Variants in NAPG observed in about 807,000 individuals in gnomAD.
NAPG encodes the protein gamma-soluble NSF attachment protein.
NAPG carries 25 observed loss-of-function variants against 48.4 expected under a neutral mutation model. That is an observed-to-expected ratio of 0.52 (90% CI 0.38 to 0.72). The LOEUF is 0.72. NAPG is among the 30% of genes least tolerant of loss of function. The pLI, the probability that NAPG is intolerant of heterozygous loss-of-function variation, is 0.00. For missense variants in NAPG, 359 were observed against 372.5 expected (o/e 0.96, Z 0.30); for synonymous variants, 139 against 127.2 (o/e 1.09, Z -0.62).
rs746340763 is a variant in NAPG at position 10,543,549 on chromosome 18, T to C, written c.507-2777T>C. Among the ~76,000 whole-genome samples the C allele has an allele frequency of 8.5e-5, 13 of 152,182 alleles. No individual in the cohort carries two copies. The highest frequency in any genetic ancestry group is 1.5e-5 in the Non-Finnish European group (1 of 68,024). On this transcript the variant is annotated intron_variant, in intron 8 of 11. Coordinates refer to ENST00000322897, the MANE Select transcript of NAPG (RefSeq NM_003826.3). The surrounding 1 kb of genome is among the most constrained non-coding windows in gnomAD (Gnocchi z 4.4). ...TCTGTAGGTAGTTAAAAATAGGTTT[T>C]GGAGTTCAGGAAATAGTTGGGGCCA... is the stretch of plus-strand genomic sequence containing the variant.
At chr18:10,535,716 G>A (rs111263470) in intron 5 of NAPG, among the ~76,000 whole-genome samples, 1,634 of 152,310 alleles carry the variant, frequency 0.011, 27 homozygotes, top group African/African-American at 0.037. Flanking sequence ...AGCCGAGATC[G>A]TGCCATTGCA....
Position 10,542,042 on chromosome 18 carries a change from C to T in NAPG, c.506+1643C>T, listed in dbSNP as rs1488690155. 1.3e-5 allele frequency among the ~76,000 whole-genome samples: 2 copies of T among 152,156 alleles called. No individual in the cohort carries two copies. The highest frequency in any genetic ancestry group is 2.9e-5 in the Non-Finnish European group (2 of 68,026). ...ATCCTCAAAACATTACCAGTGTTGC[C>T]AGTCGGTTTGGACACATCTGATGAA... is the stretch of plus-strand genomic sequence containing the variant. On this transcript the variant is annotated intron_variant, in intron 8 of 11. Coordinates refer to ENST00000322897, the MANE Select transcript of NAPG (RefSeq NM_003826.3). This position sits in a 1 kb window ranked among gnomAD's most constrained non-coding sequence, Gnocchi z 4.5.
At chr18:10,527,487 C>T (rs1272934986) in intron 1 of NAPG, among the ~76,000 whole-genome samples, 1 of 152,178 alleles carries the variant, frequency 6.6e-6, no homozygotes, top group Non-Finnish European at 1.5e-5. Flanking sequence ...CCACAACATT[C>T]TGCTTTCTAG....
chr18:10,533,805 A>C (rs2031978962), intron 4 of NAPG, among the ~76,000 whole-genome samples: 1 of 151,770 alleles, frequency 6.6e-6, no homozygotes, highest in Non-Finnish European at 1.5e-5. Flanking sequence ...TATGGGAAAA[A>C]AATAAGTTAG....
At chr18:10,536,780 C>T (rs1384119272) in intron 5 of NAPG, among the ~76,000 whole-genome samples, 1 of 151,878 alleles carries the variant, frequency 6.6e-6, no homozygotes, top group Non-Finnish European at 1.5e-5. Flanking sequence ...GTTTTTTTAT[C>T]CTCCCAAATG....
At position 10,532,736 on chromosome 18, in the gene NAPG, G is replaced by T. The variant is rs1345120671; in HGVS notation, c.150G>T (p.Gln50His). Residue 50 changes from glutamine (Q) to histidine (H), a missense_variant, in exon 3 of 12, where the codon CAG becomes CAT. By Grantham distance (24) the Gln-to-His change is conservative (BLOSUM62 0). Coordinates refer to ENST00000322897, the MANE Select transcript of NAPG (RefSeq NM_003826.3). ...KAAVAFKNAK[Q>H]FEQAKDACLR... ...CTGTTGCTTTTAAAAATGCCAAACA[G>T]TTTGAGCAAGCAAAAGATGCCTGCC... 1.3e-6 allele frequency: 2 copies of T among 1,590,752 alleles called. No homozygotes were observed.
At chr18:10,526,246 G>GGGGGGGGTGGGC in intron 1 of NAPG, 88 bp downstream of exon 1, 1 of 490,186 alleles carries the variant, frequency 2.0e-6, no homozygotes, top group African/African-American at 2.0e-5. Context: ...GGGCGGGAGG[G>GGGGGGGGTGGGC]AGGGCTCAGG....
chr18:10,548,330 A>G lies in NAPG; in HGVS notation c.617A>G (p.His206Arg). 6.2e-7 allele frequency: 1 copy of G among 1,613,854 alleles called. No homozygotes were observed. Residue 206 changes from histidine to arginine, a missense_variant, in exon 10 of 12, where the codon CAC becomes CGC. His to Arg is a conservative substitution (Grantham distance 29). Transcript: ENST00000322897. The surrounding 1 kb of genome is among the most constrained non-coding windows in gnomAD (Gnocchi z 4.4). ...ATTGCTCAAGTCTTAGTTCATCTAC[A>G]CAGAAATGACTATGTAGCTGCAGAA... ...KTIAQVLVHL[H>R]RNDYVAAERC...
At chr18:10,530,597 G>A (rs996347042) in intron 1 of NAPG, among the ~76,000 whole-genome samples, 173 bp from the exon 2 acceptor site, 4 of 151,948 alleles carry the variant, frequency 2.6e-5, no homozygotes, top group African/African-American at 9.7e-5. Context: ...TGAAAGAGGT[G>A]AGGTTGTGTT....
Position 10,546,961 on chromosome 18 carries a change from A to G in NAPG, c.585+557A>G, listed in dbSNP as rs2032280126. ...CACAAGGACCCCAGTCTCTTTTGCCAGAGGAACTAGGAAAATGAGCTAGAG... is the reference window on the plus strand; with the variant it reads ...CACAAGGACCCCAGTCTCTTTTGCCGGAGGAACTAGGAAAATGAGCTAGAG... On this transcript the variant is annotated intron_variant, in intron 9 of 11. Transcript: ENST00000322897. The surrounding 1 kb of genome is among the most constrained non-coding windows in gnomAD (Gnocchi z 4.0). Among the ~76,000 whole-genome samples the G allele has an allele frequency of 6.6e-6, 1 of 152,188 alleles. No homozygotes were observed. Among genetic ancestry groups the G allele is most frequent in the Non-Finnish European group, 1.5e-5 (1 of 68,034 alleles).
At position 10,546,672 on chromosome 18, in the gene NAPG, G is replaced by A. The variant is rs1016340945; in HGVS notation, c.585+268G>A. 3.3e-5 allele frequency among the ~76,000 whole-genome samples: 5 copies of A among 152,024 alleles called. No homozygotes were observed. The highest frequency in any genetic ancestry group is 4.1e-4 in the South Asian group (2 of 4,836). On this transcript the variant is annotated intron_variant, in intron 9 of 11. Transcript: ENST00000322897. This position sits in a 1 kb window ranked among gnomAD's most constrained non-coding sequence, Gnocchi z 4.0. ...AGAGACTAAGGAGAGGAGCAAACAC[G>A]TGGAGAAACAACCACCATGGGAATG...
rs2032325062 is a variant in NAPG at position 10,548,922 on chromosome 18, T to A, written c.666-45T>A. 6.3e-7 allele frequency: 1 copy of A among 1,595,286 alleles called. No individual in the cohort carries two copies. Among genetic ancestry groups the A allele is most frequent in the Non-Finnish European group, 8.6e-7 (1 of 1,167,260 alleles). On this transcript the variant is annotated intron_variant, in intron 10 of 11. Coordinates refer to ENST00000322897, the MANE Select transcript of NAPG (RefSeq NM_003826.3). This position sits in a 1 kb window ranked among gnomAD's most constrained non-coding sequence, Gnocchi z 4.4. ...AGAATCATCCCTGCCTGAGATGTGT[T>A]CTTTTAAGGAGAAGGTGAAGACGTG...
chr18:10,531,904 CAG>C (rs763594211), intron 2 of NAPG, among the ~76,000 whole-genome samples: 1 of 152,080 alleles, frequency 6.6e-6, no homozygotes, highest in Non-Finnish European at 1.5e-5. Flanking sequence ...CCTATTTAAT[CAG>C]AATAAATTTT....
At chr18:10,532,818 A>G (rs1371709663) in intron 3 of NAPG, 23 bp downstream of exon 3, 10 of 1,515,666 alleles carry the variant, frequency 6.6e-6, no homozygotes, top group Non-Finnish European at 8.0e-6. Context: ...ACTTTTAAAA[A>G]GAAATTAAAC....
chr18:10,532,248 A>T (rs1476621994), intron 2 of NAPG, among the ~76,000 whole-genome samples: 1 of 152,200 alleles, frequency 6.6e-6, no homozygotes, highest in Non-Finnish European at 1.5e-5. Context: ...ACATTTAAAG[A>T]TTGTGCCAAA....
intron 1 of NAPG, among the ~76,000 whole-genome samples, chr18:10,527,653 C>T (rs2031846363): frequency 6.6e-6 from 1 of 152,124 alleles, no homozygotes; most frequent in Admixed American, 6.5e-5. Flanking sequence ...TTGAAAAATA[C>T]GGAATGTTTT....
intron 5 of NAPG, among the ~76,000 whole-genome samples, chr18:10,538,862 C>T (rs2032088844): frequency 6.6e-6 from 1 of 150,870 alleles, no homozygotes; most frequent in African/African-American, 2.4e-5. Context: ...AATTTAAGTT[C>T]CTTGTAGAAA....
rs16974813 is a variant in NAPG, at chr18:10,543,762, A to G, written c.507-2564A>G. Among the ~76,000 whole-genome samples, 7,604 of 152,292 alleles carry G rather than the reference A, an allele frequency of 0.05. 551 individuals are homozygous for G. The highest frequency in any genetic ancestry group is 0.16 in the African/African-American group (6,821 of 41,526). ...AAATTCTTGTCATTTTGTTAGGAAT[A>G]TTAAGTATTACCTGATGGAAAAGTT... On this transcript the variant is annotated intron_variant, in intron 8 of 11. Transcript: ENST00000322897. The surrounding 1 kb of genome is among the most constrained non-coding windows in gnomAD (Gnocchi z 4.4).
chr18:10,546,430 G>T lies in NAPG; in HGVS notation c.585+26G>T. On this transcript the variant is annotated intron_variant, in intron 9 of 11. Coordinates refer to ENST00000322897, the MANE Select transcript of NAPG (RefSeq NM_003826.3). This position sits in a 1 kb window ranked among gnomAD's most constrained non-coding sequence, Gnocchi z 4.0. ...GTATTCTTTGAAAGTGTTTGTTTTT[G>T]GTATTACATTAGATGATTTTTTATA... 1 of 1,360,358 alleles carries T rather than the reference G, an allele frequency of 7.4e-7. No individual in the cohort carries two copies. The highest frequency in any genetic ancestry group is 2.5e-5 in the East Asian group (1 of 40,166). The allele number at this position is 1,360,358 out of a possible 1,614,324, so 84.3% of individuals were successfully genotyped here.
Sources: gnomAD v4.1 joint callset for allele counts (sites outside exome capture counted in the v4.1 genomes callset) on GRCh38, gnomAD v4.1.1 for gene constraint, Gnocchi (gnomAD v3.1) non-coding constraint, MANE v1.5 for transcripts, NCBI Gene and HGNC (gene_info 2026-07-23, HGNC 2026-07-21) for gene names.